ST6GALNAC3: variants seen among roughly 807,000 people sequenced by gnomAD.
The protein encoded by ST6GALNAC3 is ST6 N-acetylgalactosaminide alpha-2,6-sialyltransferase 3, also known as alpha-N-acetylgalactosaminide alpha-2,6-sialyltransferase 3.
Under a neutral mutation model 32.7 loss-of-function variants are expected in ST6GALNAC3, and 25 were observed. The ratio of observed to expected loss-of-function variants is 0.76; its 90% CI spans 0.56 to 1.07. The LOEUF (loss-of-function observed/expected upper bound fraction) is 1.07, where lower values mean the gene tolerates loss of function less well. ST6GALNAC3 is among the 50% of genes least tolerant of loss of function. The pLI is 0.00. For synonymous variants in ST6GALNAC3, 129 were observed against 133.1 expected, an observed-to-expected ratio of 0.97 and a Z score of 0.21; for missense variants, 355 against 382.4, an observed-to-expected ratio of 0.93 and a Z score of 0.60.
rs909841265 is a variant in ST6GALNAC3 at position 76,631,568 on chromosome 1, A to G, written c.*2762A>G. ...AACTATTTTGCCATGCACATTTCTG[A>G]TCAATTCCCACAGATTCTGGTCAAA... On this transcript the variant is annotated 3_prime_UTR_variant, in exon 5 of 5. Coordinates refer to ENST00000328299, the MANE Select transcript of ST6GALNAC3 (RefSeq NM_152996.4). 3 of 152,204 alleles carry G rather than the reference A, an allele frequency of 2.0e-5. No individual in the cohort carries two copies. The East Asian group carries it at 5.8e-4, about 29-fold the overall frequency. The allele number at this position is 152,204 out of a possible 1,614,324, so 9.4% of individuals were successfully genotyped here. A position where few individuals can be genotyped will look rare whatever the true frequency, so the allele number is the denominator to read the frequency against.
intron 1 of ST6GALNAC3, among the ~76,000 whole-genome samples, chr1:76,151,775 G>T (rs1389289267): frequency 2.0e-5 from 3 of 152,198 alleles, no homozygotes. Context: ...AACGGGTGGG[G>T]CATCGATTGC....
At chr1:76,126,788 A>T (rs1389635709) in intron 1 of ST6GALNAC3, among the ~76,000 whole-genome samples, 1 of 152,164 alleles carries the variant, frequency 6.6e-6, no homozygotes, top group Non-Finnish European at 1.5e-5. Flanking sequence ...GTGATTGTGC[A>T]TGTAAAGTGC....
chr1:76,273,040 A>T (rs11162107), intron 1 of ST6GALNAC3, among the ~76,000 whole-genome samples: 17,617 of 152,124 alleles, frequency 0.12, 1,095 homozygotes, highest in Middle Eastern at 0.17. Flanking sequence ...AAATTTTTTT[A>T]AAAATAGCTT....
intron 3 of ST6GALNAC3, among the ~76,000 whole-genome samples, chr1:76,426,589 A>G (rs1655408798): frequency 6.6e-6 from 1 of 151,580 alleles, no homozygotes; most frequent in South Asian, 2.1e-4. Context: ...ATAGGGAGAG[A>G]GAGAAAGAGA....
intron 3 of ST6GALNAC3, among the ~76,000 whole-genome samples, chr1:76,483,936 A>G (rs1393079932): frequency 6.6e-6 from 1 of 152,220 alleles, no homozygotes; most frequent in Non-Finnish European, 1.5e-5. Flanking sequence ...AGCTTTCTAC[A>G]TACGGCTAGC....
chr1:76,361,972 T>C (rs1649979464), intron 2 of ST6GALNAC3, among the ~76,000 whole-genome samples: 2 of 84,080 alleles, frequency 2.4e-5, no homozygotes, highest in South Asian at 9.9e-4. Flanking sequence ...AGTGAGACTC[T>C]GTATCAAAAA....
chr1:76,119,252 C>A (rs1489521645), intron 1 of ST6GALNAC3, among the ~76,000 whole-genome samples: 2 of 152,360 alleles, frequency 1.3e-5, no homozygotes, highest in East Asian at 1.9e-4. Context: ...ATTCTAAACA[C>A]TGGATACATC....
chr1:76,198,719 C>A (rs112520715), intron 1 of ST6GALNAC3, among the ~76,000 whole-genome samples: 1,589 of 152,226 alleles, frequency 0.01, 18 homozygotes, highest in Admixed American at 0.017. Flanking sequence ...GACATACTTA[C>A]TTGGAAAGTC....
At chr1:76,628,495 T>C in intron 4 of ST6GALNAC3, 125 bp from the exon 5 acceptor site, 2 of 912,152 alleles carry the variant, frequency 2.2e-6, no homozygotes, top group Non-Finnish European at 3.1e-6. Flanking sequence ...ACTGAGTTCA[T>C]GGACAAGAAT....
chr1:76,238,948 C>CT (rs35385527), intron 1 of ST6GALNAC3, among the ~76,000 whole-genome samples: 38,416 of 131,178 alleles, frequency 0.29, 6,129 homozygotes, highest in African/African-American at 0.4. Flanking sequence ...TCCCACTAAC[C>CT]TTTTTTTTTT....
chr1:76,418,591 TA>T (rs1654808733), intron 3 of ST6GALNAC3, among the ~76,000 whole-genome samples: 1 of 152,174 alleles, frequency 6.6e-6, no homozygotes, highest in African/African-American at 2.4e-5. Flanking sequence ...AAGACAGTAT[TA>T]AAAACAGTAT....
At chr1:76,180,614 C>T (rs1033452923) in intron 1 of ST6GALNAC3, among the ~76,000 whole-genome samples, 3 of 151,946 alleles carry the variant, frequency 2.0e-5, no homozygotes, top group South Asian at 2.1e-4. Context: ...GATGAGGAGA[C>T]GAACAGATGA....
At chr1:76,256,023 C>CACACACACAG (rs1557731387) in intron 1 of ST6GALNAC3, among the ~76,000 whole-genome samples, 1 of 151,726 alleles carries the variant, frequency 6.6e-6, no homozygotes, top group Non-Finnish European at 1.5e-5. Context: ...GTAACACACA[C>CACACACACAG]ACACACACAC....
rs1649395893 is a variant in ST6GALNAC3 at position 76,633,461 on chromosome 1, C to G, written c.*4655C>G. The G allele has an allele frequency of 6.6e-6, 1 of 152,156 alleles. No individual in the cohort carries two copies. Among genetic ancestry groups the G allele is most frequent in the Non-Finnish European group, 1.5e-5 (1 of 68,026 alleles). 9.4% of individuals were successfully genotyped at this position (152,156 alleles called of 1,614,324 possible). On this transcript the variant is annotated 3_prime_UTR_variant, in exon 5 of 5. Coordinates refer to ENST00000328299, the MANE Select transcript of ST6GALNAC3 (RefSeq NM_152996.4). ...GGCTATGTTCTGTTATCACAAAATT[C>G]TAGGACTTGTTTAAAGAACTTAAAG...
intron 1 of ST6GALNAC3, among the ~76,000 whole-genome samples, chr1:76,153,141 C>T (rs1164167969): frequency 6.6e-6 from 1 of 152,120 alleles, no homozygotes; most frequent in East Asian, 1.9e-4. Context: ...ATGGATATGT[C>T]ATGCTTTTTC....
chr1:76,246,489 A>G (rs1557724088), intron 1 of ST6GALNAC3, among the ~76,000 whole-genome samples: 1 of 152,136 alleles, frequency 6.6e-6, no homozygotes, highest in Non-Finnish European at 1.5e-5. Context: ...TAGTTGATGC[A>G]GTTTCTTTAT....
rs535977678 is a variant in ST6GALNAC3 at position 76,352,013 on chromosome 1, C to T, written c.213+38014C>T. 7.2e-5 allele frequency among the ~76,000 whole-genome samples: 11 copies of T among 151,878 alleles called. No individual in the cohort carries two copies. The South Asian group carries it at 1.7e-3, about 23-fold the overall frequency. Reference sequence around the variant, plus strand: ...AGGGCCATAGTACCTAAGTAGATAACGAGTTTAACTGCAGTATCAAATTTC... The same window carrying T: ...AGGGCCATAGTACCTAAGTAGATAATGAGTTTAACTGCAGTATCAAATTTC... On this transcript the variant is annotated intron_variant, in intron 2 of 4. Coordinates refer to ENST00000328299, the MANE Select transcript of ST6GALNAC3 (RefSeq NM_152996.4).
chr1:76,333,902 T>G (rs1187502297), intron 2 of ST6GALNAC3, among the ~76,000 whole-genome samples: 1 of 152,178 alleles, frequency 6.6e-6, no homozygotes, highest in Non-Finnish European at 1.5e-5. Context: ...TTTTCCCATT[T>G]TATAGATGAG....
At chr1:76,126,669 C>T (rs1224442733) in intron 1 of ST6GALNAC3, among the ~76,000 whole-genome samples, 1 of 152,262 alleles carries the variant, frequency 6.6e-6, no homozygotes, top group Non-Finnish European at 1.5e-5. Context: ...TGAGTCCCAG[C>T]TCTCCCTTTA....
Sources: gnomAD v4.1 joint callset for allele counts (sites outside exome capture counted in the v4.1 genomes callset) on GRCh38, gnomAD v4.1.1 for gene constraint, MANE v1.5 for transcripts, NCBI Gene and HGNC (gene_info 2026-07-23, HGNC 2026-07-21) for gene names.